SPAG16: variants seen among roughly 807,000 people sequenced by gnomAD.
SPAG16 encodes sperm-associated antigen 16 protein.
In SPAG16, 86 loss-of-function variants were observed where a neutral mutation model predicts 80.4. The ratio of observed to expected loss-of-function variants is 1.07; its 90% CI spans 0.90 to 1.28. The LOEUF is 1.28. SPAG16 is among the 50% of genes most tolerant of loss of function. The pLI is 0.00. For missense variants in SPAG16, 870 were observed against 765.3 expected, an observed-to-expected ratio of 1.14 and a Z score of -1.61; for synonymous variants, 294 against 265.9, an observed-to-expected ratio of 1.11 and a Z score of -1.03.
At chr2:213,922,168 T>C (rs898849229) in intron 11 of SPAG16, among the ~76,000 whole-genome samples, 3 of 152,248 alleles carry the variant, frequency 2.0e-5, no homozygotes, top group Non-Finnish European at 4.4e-5. Flanking sequence ...CAATGAGTCA[T>C]AGTTTTCATC....
intron 4 of SPAG16, 28 bp from the exon 5 acceptor site, chr2:213,317,191 T>G (rs2063432277): frequency 1.4e-6 from 2 of 1,461,036 alleles, no homozygotes; most frequent in African/African-American, 1.4e-5. Flanking sequence ...AGAAATGATA[T>G]AAACCCTTTT....
At chr2:214,013,860 T>G in intron 12 of SPAG16, 91 bp from the exon 13 acceptor site, 1 of 1,317,132 alleles carries the variant, frequency 7.6e-7, no homozygotes, top group Non-Finnish European at 1.0e-6. Flanking sequence ...ATAAAATTAT[T>G]TCATGCCTCA....
chr2:214,118,563 G>T (rs2125446426), intron 14 of SPAG16, among the ~76,000 whole-genome samples: 1 of 152,204 alleles, frequency 6.6e-6, no homozygotes, highest in East Asian at 1.9e-4. Flanking sequence ...TCACATGGTG[G>T]CGGCAGAAGT....
intron 10 of SPAG16, among the ~76,000 whole-genome samples, chr2:213,586,114 A>C (rs1209549424): frequency 6.6e-6 from 1 of 152,224 alleles, no homozygotes; most frequent in Non-Finnish European, 1.5e-5. Flanking sequence ...TTATTATTTG[A>C]AATCTTACCC....
chr2:213,979,932 C>T (rs1197208605), intron 12 of SPAG16, among the ~76,000 whole-genome samples: 2 of 152,050 alleles, frequency 1.3e-5, no homozygotes, highest in African/African-American at 2.4e-5. Context: ...TATCTTACCT[C>T]ACTGGAATAA....
At chr2:213,402,343 A>G (rs2068358351) in intron 9 of SPAG16, among the ~76,000 whole-genome samples, 1 of 152,038 alleles carries the variant, frequency 6.6e-6, no homozygotes, top group South Asian at 2.1e-4. Context: ...TCTATCTGCC[A>G]TATTATTTAA....
intron 10 of SPAG16, among the ~76,000 whole-genome samples, chr2:213,607,646 T>G (rs936772986): frequency 6.6e-6 from 1 of 152,214 alleles, no homozygotes; most frequent in African/African-American, 2.4e-5. Flanking sequence ...CACACCGGAA[T>G]CTACTGATTC....
At chr2:214,067,515 C>T (rs933253360) in intron 13 of SPAG16, among the ~76,000 whole-genome samples, 6 of 151,598 alleles carry the variant, frequency 4.0e-5, no homozygotes, top group African/African-American at 1.5e-4. Context: ...TAGATATTTC[C>T]CAAATTAAGG....
intron 9 of SPAG16, among the ~76,000 whole-genome samples, chr2:213,418,905 A>G (rs339811): frequency 0.026 from 3,883 of 152,254 alleles, 158 homozygotes; most frequent in African/African-American, 0.087. Context: ...GGCACCATCA[A>G]CTATACAAAT....
intron 15 of SPAG16, among the ~76,000 whole-genome samples, chr2:214,260,599 C>A (rs1271486346): frequency 6.6e-6 from 1 of 152,064 alleles, no homozygotes; most frequent in Non-Finnish European, 1.5e-5. Context: ...ATCTTAAGGA[C>A]TCCTATTAAG....
At chr2:214,264,027 A>C (rs1431817326) in intron 15 of SPAG16, among the ~76,000 whole-genome samples, 3 of 152,208 alleles carry the variant, frequency 2.0e-5, no homozygotes, top group East Asian at 1.9e-4. Context: ...GGCATCTACC[A>C]GAATTATAAA....
chr2:214,085,471 A>C (rs1441382086), intron 13 of SPAG16, among the ~76,000 whole-genome samples: 2 of 152,056 alleles, frequency 1.3e-5, no homozygotes, highest in African/African-American at 4.8e-5. Flanking sequence ...GTTAGTGATC[A>C]AAATTGCTTT....
intron 11 of SPAG16, among the ~76,000 whole-genome samples, chr2:213,897,210 A>G (rs994873269): frequency 2.6e-5 from 4 of 152,174 alleles, no homozygotes; most frequent in African/African-American, 9.7e-5. Flanking sequence ...TTATGCATCA[A>G]TAAAAGGTAA....
At chr2:213,604,671 T>C (rs1189648295) in intron 10 of SPAG16, among the ~76,000 whole-genome samples, 1 of 152,086 alleles carries the variant, frequency 6.6e-6, no homozygotes, top group African/African-American at 2.4e-5. Context: ...TATTAAATTG[T>C]AAGCTGTTTT....
chr2:214,230,481 T>C, intron 15 of SPAG16, among the ~76,000 whole-genome samples: 1 of 152,152 alleles, frequency 6.6e-6, no homozygotes, highest in South Asian at 2.1e-4. Context: ...AAATATTTAT[T>C]ACATTAAACT....
chr2:214,408,701 C>T (rs1010487193), intron 15 of SPAG16, among the ~76,000 whole-genome samples: 3 of 152,092 alleles, frequency 2.0e-5, no homozygotes, highest in Non-Finnish European at 2.9e-5. Context: ...CACAATATAT[C>T]ACTTACCTAA....
chr2:213,324,927 GC>G (rs1198719658), intron 5 of SPAG16, among the ~76,000 whole-genome samples: 1 of 152,008 alleles, frequency 6.6e-6, no homozygotes, highest in Non-Finnish European at 1.5e-5. Flanking sequence ...TTCAGTTGTA[GC>G]CATTTTAACT....
chr2:213,662,606 G>A (rs550285239), intron 10 of SPAG16, among the ~76,000 whole-genome samples: 32 of 152,184 alleles, frequency 2.1e-4, no homozygotes, highest in Middle Eastern at 6.8e-3. Flanking sequence ...ACTAAGTAAG[G>A]AGGCATCATT....
At chr2:214,333,017 G>T (rs12472531) in intron 15 of SPAG16, among the ~76,000 whole-genome samples, 48,647 of 152,108 alleles carry the variant, frequency 0.32, 12,228 homozygotes, top group African/African-American at 0.7. Context: ...TTCTCAAATG[G>T]TTTAAATATT....
Sources: gnomAD v4.1 joint callset for allele counts (sites outside exome capture counted in the v4.1 genomes callset) on GRCh38, gnomAD v4.1.1 for gene constraint, MANE v1.5 for transcripts, NCBI Gene and HGNC (gene_info 2026-07-23, HGNC 2026-07-21) for gene names.